The following F8 variants were observed in gnomAD, a reference collection of about 807,000 sequenced individuals.
F8 encodes the protein coagulation factor VIII.
A neutral mutation model predicts 140.6 loss-of-function variants in F8; 12 were observed. That is an observed-to-expected ratio of 0.09 (90% CI 0.05 to 0.14). F8 has a LOEUF of 0.14. F8 is among the 10% of genes least tolerant of loss of function. The pLI is 1.00. For missense variants in F8, 1,354 were observed against 1,720.7 expected, an observed-to-expected ratio of 0.79 and a Z score of 3.77; for synonymous variants, 585 against 614.6, an observed-to-expected ratio of 0.95 and a Z score of 0.71.
At chrX:154,957,614 C>G (rs1557281315) in intron 10 of F8, among the ~76,000 whole-genome samples, 2 of 111,034 alleles carry the variant, frequency 1.8e-5, no homozygotes, top group Non-Finnish European at 3.8e-5. Context: ...TCTTCCTCAC[C>G]TCAGTAAGTT....
intron 22 of F8, among the ~76,000 whole-genome samples, chrX:154,895,482 T>C (rs2072974035): frequency 9.0e-6 from 1 of 111,484 alleles, no homozygotes; most frequent in Admixed American, 9.5e-5. Flanking sequence ...AGATCAAGTG[T>C]GAGGTGATGG....
intron 25 of F8, among the ~76,000 whole-genome samples, chrX:154,857,544 C>T (rs1163110197): frequency 9.0e-6 from 1 of 111,673 alleles, no homozygotes; most frequent in Non-Finnish European, 1.9e-5. Flanking sequence ...TGGACAGTCC[C>T]GATCTGAGAT....
chrX:154,906,392 T>C, intron 15 of F8, 28 bp downstream of exon 15: 3 of 1,176,357 alleles, frequency 2.6e-6, no homozygotes, highest in Non-Finnish European at 3.4e-6. Flanking sequence ...AAATTAATTT[T>C]CTTGTAATTC....
rs782022365 is a variant in F8 at position 154,996,937 on chromosome X, T to C, written c.388+36A>G. 5.8e-6 allele frequency: 7 copies of C among 1,204,221 alleles called. No individual in the cohort carries two copies. In the South Asian group the frequency reaches 1.1e-4, roughly 18 times the overall value. ...CACACACATCTCACTGTTCTATTCA[T>C]AGAATGACAGGACAATAGGAGGGTA... On this transcript the variant is annotated intron_variant, in intron 3 of 25. Coordinates refer to ENST00000360256, the MANE Select transcript of F8 (RefSeq NM_000132.4).
chrX:154,964,823 T>C (rs1478788124), intron 9 of F8, among the ~76,000 whole-genome samples: 2 of 111,168 alleles, frequency 1.8e-5, no homozygotes, highest in Non-Finnish European at 1.9e-5. Flanking sequence ...AATGAAAAGA[T>C]TGATAAAAGA....
chrX:154,975,484 A>G (rs1603435634), intron 6 of F8, among the ~76,000 whole-genome samples: 2 of 112,393 alleles, frequency 1.8e-5, no homozygotes, highest in Admixed American at 1.9e-4. Flanking sequence ...GGCCTAATGT[A>G]TAATCTCCTG....
chrX:154,960,320 C>A (rs1299318687), intron 10 of F8, among the ~76,000 whole-genome samples: 1 of 111,220 alleles, frequency 9.0e-6, no homozygotes, highest in African/African-American at 3.3e-5. Context: ...CACCAAAAAT[C>A]AAAAACAGAA....
rs1569559671 is a variant in F8 at position 154,929,037 on chromosome X, C to A, written c.4753G>T (p.Ala1585Ser). The change falls in exon 14 of 26, where the codon GCT (alanine) becomes TCT (serine). Residue 1585 changes from alanine to serine, a missense_variant. Transcript: ENST00000360256. Reference protein sequence around the residue: ...KTPSKLLDPLAWDNHYGTQIP... With the variant: ...KTPSKLLDPLSWDNHYGTQIP... ...TGAGTACCATAGTGGTTATCCCAAGCAAGAGGATCCAATAGCTTGGAGGGA... is the reference window on the plus strand; with the variant it reads ...TGAGTACCATAGTGGTTATCCCAAGAAAGAGGATCCAATAGCTTGGAGGGA... 8.3e-7 allele frequency: 1 copy of A among 1,211,208 alleles called. No individual in the cohort carries two copies. Among genetic ancestry groups the A allele is most frequent in the South Asian group, 1.8e-5 (1 of 56,950 alleles).
intron 22 of F8, among the ~76,000 whole-genome samples, chrX:154,895,133 A>G (rs2072972419): frequency 8.9e-6 from 1 of 112,230 alleles, no homozygotes; most frequent in African/African-American, 3.2e-5. Context: ...CTGCAAGGAG[A>G]AAGTCAGAAG....
At chrX:154,838,287 A>C (rs1224188444) in intron 25 of F8, among the ~76,000 whole-genome samples, 6 of 111,981 alleles carry the variant, frequency 5.4e-5, no homozygotes, top group Non-Finnish European at 9.4e-5. Flanking sequence ...GAAGAGTCTA[A>C]GACTCAAGGC....
At chrX:154,954,690 A>G (rs1171835714) in intron 11 of F8, among the ~76,000 whole-genome samples, 4 of 112,035 alleles carry the variant, frequency 3.6e-5, no homozygotes, top group Non-Finnish European at 7.5e-5. Context: ...ACTAATATGT[A>G]TAAACCTCAT....
intron 6 of F8, among the ~76,000 whole-genome samples, chrX:154,982,445 CAA>C (rs782689011): frequency 0.25 from 14,873 of 59,009 alleles, 1,243 homozygotes; most frequent in South Asian, 0.35. Context: ...GACTCCGTCT[CAA>C]AAAAAAAAAA....
At chrX:154,918,786 G>GTTTTTTTTTTTTTTTTTTTTTTTTTTTTT (rs34041939) in intron 14 of F8, 1 of 57,585 alleles carries the variant, frequency 1.7e-5, no homozygotes, top group Non-Finnish European at 3.0e-5. Context: ...CTCTAATCAT[G>GTTTTTTTTTTTTTTTTTTTTTTTTTTTTT]TTTTTTTTTT....
intron 25 of F8, 62 bp from the exon 26 acceptor site, chrX:154,837,814 A>G: frequency 9.1e-7 from 1 of 1,100,908 alleles, no homozygotes; most frequent in African/African-American, 1.8e-5. Context: ...TGCAAAGCAC[A>G]GACGCTTTTC....
intron 23 of F8, 124 bp from the exon 24 acceptor site, chrX:154,861,990 T>C (rs1188617522): frequency 7.2e-6 from 6 of 827,788 alleles, no homozygotes; most frequent in Non-Finnish European, 1.1e-5. Flanking sequence ...TTTTAACTTT[T>C]GCACAGATTC....
At chrX:155,016,357 C>T (rs1367605352) in intron 1 of F8, among the ~76,000 whole-genome samples, 2 of 111,887 alleles carry the variant, frequency 1.8e-5, no homozygotes, top group East Asian at 2.8e-4. Context: ...TAGAATGGTA[C>T]GTTCAAGAAA....
intron 6 of F8, among the ~76,000 whole-genome samples, chrX:154,981,499 C>G (rs2073520693): frequency 9.2e-6 from 1 of 109,003 alleles, no homozygotes; most frequent in Non-Finnish European, 1.9e-5. Context: ...ATTCAGCAGT[C>G]AGCACCTTTT....
chrX:154,887,093 TA>T, intron 22 of F8: 1 of 235,779 alleles, frequency 4.2e-6, no homozygotes, highest in Non-Finnish European at 6.3e-6. Flanking sequence ...ACGCCCGCCC[TA>T]CCGGCCGCGC....
intron 12 of F8, among the ~76,000 whole-genome samples, chrX:154,953,340 G>C (rs1557280887): frequency 1.8e-5 from 2 of 111,763 alleles, no homozygotes; most frequent in African/African-American, 3.3e-5. Context: ...TATTAGAAGA[G>C]GAGATTAGGA....
Sources: allele counts gnomAD v4.1 joint callset (sites outside exome capture counted in the v4.1 genomes callset), GRCh38; gene constraint gnomAD v4.1.1; transcripts MANE v1.5; gene names NCBI Gene and HGNC (gene_info 2026-07-23, HGNC 2026-07-21).